EYS: variants seen among roughly 807,000 people sequenced by gnomAD.
EYS encodes the protein protein eyes shut homolog.
In EYS, 250 loss-of-function variants were observed where a neutral mutation model predicts 282.1. The observed-to-expected ratio is 0.89, with a 90% CI of 0.80 to 0.98. EYS has a LOEUF of 0.98. Ranked by LOEUF, EYS falls within the 50% of genes least tolerant of loss-of-function variation. The pLI is 0.00. For synonymous variants in EYS, 1,355 were observed against 1,282.9 expected (o/e 1.06, Z -1.20); for missense variants, 4,016 against 3,709.0 (o/e 1.08, Z -2.15).
chr6:64,807,034 T>G (rs1764451266), intron 22 of EYS, among the ~76,000 whole-genome samples: 1 of 152,138 alleles, frequency 6.6e-6, no homozygotes, highest in African/African-American at 2.4e-5. Flanking sequence ...TTAATAAAAC[T>G]TACATGCATT....
intron 35 of EYS, among the ~76,000 whole-genome samples, chr6:63,962,124 A>T (rs1266391988): frequency 6.6e-5 from 10 of 152,192 alleles, no homozygotes; most frequent in African/African-American, 2.4e-4. Flanking sequence ...TGGATTAAAG[A>T]CTTAGATGTT....
chr6:64,326,385 G>A (rs1770423031), intron 29 of EYS, among the ~76,000 whole-genome samples: 1 of 152,074 alleles, frequency 6.6e-6, no homozygotes, highest in South Asian at 2.1e-4. Context: ...CGCAAGACAT[G>A]TTTCTCTCAA....
intron 14 of EYS, 44 bp downstream of exon 14, chr6:64,997,538 T>C (rs970170921): frequency 2.0e-6 from 3 of 1,534,184 alleles, no homozygotes; most frequent in Non-Finnish European, 2.6e-6. Context: ...TGTTAAATTA[T>C]ATTAGTCCAC....
At chr6:65,237,051 T>G (rs978483668) in intron 12 of EYS, among the ~76,000 whole-genome samples, 3 of 152,350 alleles carry the variant, frequency 2.0e-5, no homozygotes, top group Admixed American at 6.5e-5. Flanking sequence ...ATTAACACGT[T>G]TTTACATTTA....
At chr6:65,573,374 A>C (rs188684580) in intron 2 of EYS, among the ~76,000 whole-genome samples, 53 of 152,322 alleles carry the variant, frequency 3.5e-4, no homozygotes, top group East Asian at 2.3e-3. Context: ...GGTCTCCACA[A>C]GTCTGCTCTG....
chr6:64,631,660 A>G (rs1303445333), intron 22 of EYS: 2 of 152,110 alleles, frequency 1.3e-5, no homozygotes, highest in Non-Finnish European at 2.9e-5. Flanking sequence ...TACCACTCCA[A>G]AAACAGCACT....
chr6:64,615,435 C>T (rs985094114), intron 24 of EYS, among the ~76,000 whole-genome samples: 8 of 151,972 alleles, frequency 5.3e-5, no homozygotes, highest in Admixed American at 3.9e-4. Flanking sequence ...ACAAATTTAA[C>T]GTGCTACAAA....
chr6:65,494,980 C>T lies in EYS; in HGVS notation c.431G>A (p.Gly144Glu). ...HTVNSKWLSVGTHYFITVMAS... is the reference protein window; with the variant it reads ...HTVNSKWLSVETHYFITVMAS... ...CATAACTGTGATAAAATAATGTGTC[C>T]CAACACTCAGCCACTTAGAATTAAC... The change falls in exon 4 of 43, where the codon GGG (glycine) becomes GAG (glutamate). Residue 144 changes from glycine to glutamate, a missense_variant. Gly to Glu is a moderately conservative substitution (Grantham distance 98). Coordinates refer to ENST00000503581, the MANE Select transcript of EYS (RefSeq NM_001142800.2). The T allele has an allele frequency of 6.2e-7, 1 of 1,614,108 alleles. No individual in the cohort carries two copies. Among genetic ancestry groups the T allele is most frequent in the South Asian group, 1.1e-5 (1 of 91,078 alleles).
intron 29 of EYS, among the ~76,000 whole-genome samples, chr6:64,330,378 C>T (rs1244020819): frequency 6.6e-6 from 1 of 152,090 alleles, no homozygotes; most frequent in Non-Finnish European, 1.5e-5. Flanking sequence ...CCAAATTACA[C>T]ACTCGGCAAA....
intron 32 of EYS, among the ~76,000 whole-genome samples, chr6:64,071,382 AATT>A (rs926930621): frequency 2.2e-4 from 33 of 151,858 alleles, no homozygotes; most frequent in African/African-American, 7.7e-4. Context: ...GATGAAATGA[AATT>A]ATTACCCCAT....
intron 16 of EYS, among the ~76,000 whole-genome samples, chr6:64,905,292 T>C (rs1417505349): frequency 1.3e-5 from 2 of 152,230 alleles, no homozygotes; most frequent in Non-Finnish European, 2.9e-5. Context: ...TATTCATTTC[T>C]GTGAAAGGTA....
At chr6:63,915,264 C>A (rs1374907427) in intron 35 of EYS, among the ~76,000 whole-genome samples, 1 of 152,124 alleles carries the variant, frequency 6.6e-6, no homozygotes, top group African/African-American at 2.4e-5. Context: ...TATGCTAAAG[C>A]CATTCTGCTT....
At chr6:64,088,375 C>T (rs1772231818) in intron 31 of EYS, among the ~76,000 whole-genome samples, 1 of 151,874 alleles carries the variant, frequency 6.6e-6, no homozygotes, top group African/African-American at 2.4e-5. Context: ...GTACTGACTA[C>T]AAAATGACAT....
chr6:64,484,773 C>A (rs772989448), intron 26 of EYS, among the ~76,000 whole-genome samples: 2 of 151,460 alleles, frequency 1.3e-5, no homozygotes, highest in Non-Finnish European at 3.0e-5. Flanking sequence ...AAATCCTTGT[C>A]CTCAGGATTA....
At chr6:64,190,380 C>T (rs1765066158) in intron 31 of EYS, among the ~76,000 whole-genome samples, 1 of 152,098 alleles carries the variant, frequency 6.6e-6, no homozygotes, top group African/African-American at 2.4e-5. Flanking sequence ...CCACTGTTTC[C>T]ATGGAAGGTG....
At chr6:63,980,715 G>A (rs1767047930) in intron 35 of EYS, among the ~76,000 whole-genome samples, 1 of 151,834 alleles carries the variant, frequency 6.6e-6, no homozygotes, top group Non-Finnish European at 1.5e-5. Flanking sequence ...GAAAATAGGA[G>A]GAAAGAGAGG....
intron 26 of EYS, among the ~76,000 whole-genome samples, chr6:64,544,437 T>C (rs1314651785): frequency 6.6e-6 from 1 of 152,142 alleles, no homozygotes; most frequent in Non-Finnish European, 1.5e-5. Flanking sequence ...CAGGAAACCA[T>C]CTAGCACTCC....
intron 13 of EYS, among the ~76,000 whole-genome samples, chr6:65,042,060 T>C (rs1033221657): frequency 1.3e-5 from 2 of 151,624 alleles, no homozygotes; most frequent in African/African-American, 4.8e-5. Flanking sequence ...GCATATTGTA[T>C]GCATGGTTCT....
intron 19 of EYS, among the ~76,000 whole-genome samples, chr6:64,879,855 CAGAAG>C (rs1224472232): frequency 2.0e-5 from 3 of 151,996 alleles, no homozygotes; most frequent in East Asian, 1.9e-4. Context: ...ATGTGAAACA[CAGAAG>C]AGAAAAGTTC....
Sources: allele counts gnomAD v4.1 joint callset (sites outside exome capture counted in the v4.1 genomes callset), GRCh38; gene constraint gnomAD v4.1.1; transcripts MANE v1.5; gene names NCBI Gene and HGNC (gene_info 2026-07-23, HGNC 2026-07-21).